The following LRRC8D variants were observed in gnomAD, a reference collection of about 807,000 sequenced individuals.
LRRC8D encodes volume-regulated anion channel subunit LRRC8D.
LRRC8D carries 20 observed loss-of-function variants against 55.8 expected under a neutral mutation model. That is an observed-to-expected ratio of 0.36 (90% CI 0.25 to 0.52). LRRC8D has a LOEUF of 0.52. Among genes scored for constraint, LRRC8D ranks in the 20% least tolerant of loss-of-function variants. The probability of loss-of-function intolerance (pLI) is 0.93; values close to 1 mark genes in which losing one functional copy is unlikely to be tolerated. For synonymous variants in LRRC8D, 352 were observed against 377.0 expected, an observed-to-expected ratio of 0.93 and a Z score of 0.77; for missense variants, 651 against 1,030.8, an observed-to-expected ratio of 0.63 and a Z score of 5.05.
chr1:89,842,242 A>T (rs1208710072), intron 1 of LRRC8D, among the ~76,000 whole-genome samples: 1 of 149,552 alleles, frequency 6.7e-6, no homozygotes, highest in Non-Finnish European at 1.5e-5. Flanking sequence ...AGAATTTGTG[A>T]TCATTGTAGG....
At chr1:89,826,918 T>G (rs551970008) in intron 1 of LRRC8D, among the ~76,000 whole-genome samples, 3 of 152,160 alleles carry the variant, frequency 2.0e-5, no homozygotes, top group Non-Finnish European at 4.4e-5. Flanking sequence ...TGGTTGGGTA[T>G]TAAGGGGAAA....
chr1:89,902,153 C>T (rs1428759573), intron 2 of LRRC8D, among the ~76,000 whole-genome samples: 1 of 152,266 alleles, frequency 6.6e-6, no homozygotes, highest in African/African-American at 2.4e-5. Context: ...TTCTCCACAA[C>T]AATTAAATGC....
chr1:89,913,642 AC>A (rs1343277525), intron 2 of LRRC8D, among the ~76,000 whole-genome samples: 2 of 152,158 alleles, frequency 1.3e-5, no homozygotes, highest in Non-Finnish European at 2.9e-5. Context: ...TTCTCTCTAC[AC>A]TTTTTTGTCT....
At chr1:89,888,542 G>A (rs1156551411) in intron 2 of LRRC8D, among the ~76,000 whole-genome samples, 1 of 152,208 alleles carries the variant, frequency 6.6e-6, no homozygotes, top group Admixed American at 6.5e-5. Context: ...TCACCTGAGA[G>A]AGCCTAAAAG....
intron 2 of LRRC8D, among the ~76,000 whole-genome samples, chr1:89,855,767 C>T (rs756014303): frequency 6.6e-5 from 10 of 152,282 alleles, no homozygotes; most frequent in Non-Finnish European, 1.3e-4. Flanking sequence ...ACCACTTAAA[C>T]TGAAAGTTAA....
At chr1:89,842,658 G>A (rs1263171900) in intron 1 of LRRC8D, among the ~76,000 whole-genome samples, 2 of 152,136 alleles carry the variant, frequency 1.3e-5, no homozygotes, top group Admixed American at 1.3e-4. Flanking sequence ...TGCATGTAAG[G>A]GCAGGCAGGT....
chr1:89,824,853 T>C (rs922395592), intron 1 of LRRC8D, among the ~76,000 whole-genome samples: 1 of 152,216 alleles, frequency 6.6e-6, no homozygotes, highest in Non-Finnish European at 1.5e-5. Flanking sequence ...AGCTGTTTGC[T>C]GAGACCTAAG....
intron 2 of LRRC8D, among the ~76,000 whole-genome samples, chr1:89,860,049 T>A (rs1661662001): frequency 6.6e-6 from 1 of 152,246 alleles, no homozygotes; most frequent in Non-Finnish European, 1.5e-5. Flanking sequence ...CAAGTATTAT[T>A]TCCACTTTAT....
chr1:89,920,341 C>T (rs4658345), intron 2 of LRRC8D, among the ~76,000 whole-genome samples: 5,885 of 152,022 alleles, frequency 0.039, 163 homozygotes, highest in East Asian at 0.14. Context: ...TTCTATAGTC[C>T]TTTTAAGTGT....
chr1:89,905,320 T>A (rs1290843929), intron 2 of LRRC8D, among the ~76,000 whole-genome samples: 2 of 152,232 alleles, frequency 1.3e-5, no homozygotes, highest in Admixed American at 1.3e-4. Context: ...CACACAGAAA[T>A]TGGATATCAT....
chr1:89,909,082 A>G (rs537228213), intron 2 of LRRC8D, among the ~76,000 whole-genome samples: 7 of 152,190 alleles, frequency 4.6e-5, no homozygotes, highest in African/African-American at 1.7e-4. Flanking sequence ...ATGCTGCCTG[A>G]GATGGCTCGC....
At chr1:89,922,780 C>T (rs1663458485) in intron 2 of LRRC8D, among the ~76,000 whole-genome samples, 1 of 152,202 alleles carries the variant, frequency 6.6e-6, no homozygotes, top group Non-Finnish European at 1.5e-5. Flanking sequence ...TCATATCTAC[C>T]TTCACTATCC....
chr1:89,893,774 C>G (rs564792778), intron 2 of LRRC8D, among the ~76,000 whole-genome samples: 25 of 152,214 alleles, frequency 1.6e-4, no homozygotes, highest in Non-Finnish European at 3.2e-4. Context: ...CAGACTTACT[C>G]TTTTTTCAGT....
At chr1:89,853,041 A>G (rs558881021) in intron 2 of LRRC8D, among the ~76,000 whole-genome samples, 4 of 152,342 alleles carry the variant, frequency 2.6e-5, no homozygotes, top group African/African-American at 9.6e-5. Flanking sequence ...GAAAGCAGGG[A>G]GCACTTTAGT....
At chr1:89,829,576 T>C (rs886314850) in intron 1 of LRRC8D, among the ~76,000 whole-genome samples, 2 of 152,248 alleles carry the variant, frequency 1.3e-5, no homozygotes, top group African/African-American at 4.8e-5. Flanking sequence ...ATTTATTTTA[T>C]AATACCTAGT....
rs528213755 is a variant in LRRC8D at position 89,883,432 on chromosome 1, G to A, written c.-3+39650G>A. Among the ~76,000 whole-genome samples, 9 of 152,284 alleles carry A rather than the reference G, an allele frequency of 5.9e-5. No individual in the cohort carries two copies. In the South Asian group the frequency reaches 1.2e-3, roughly 21 times the overall value. On this transcript the variant is annotated intron_variant, in intron 2 of 2. Coordinates refer to ENST00000337338, the MANE Select transcript of LRRC8D (RefSeq NM_001134479.2). ...TATCCAAGCATGACCAGAGGGTAAA[G>A]GGAAGGAACCCCTGGGTTTTCTGAG...
chr1:89,871,907 C>T (rs1662014751), intron 2 of LRRC8D, among the ~76,000 whole-genome samples: 1 of 152,180 alleles, frequency 6.6e-6, no homozygotes, highest in African/African-American at 2.4e-5. Context: ...TTGCTTACTC[C>T]TAAATACTAC....
chr1:89,838,739 A>G (rs548623592), intron 1 of LRRC8D, among the ~76,000 whole-genome samples: 1 of 152,234 alleles, frequency 6.6e-6, no homozygotes, highest in Admixed American at 6.5e-5. Context: ...TAATTGAAGA[A>G]TGAGAGAGGA....
intron 2 of LRRC8D, among the ~76,000 whole-genome samples, chr1:89,860,309 C>A (rs975637705): frequency 6.6e-6 from 1 of 152,114 alleles, no homozygotes; most frequent in Non-Finnish European, 1.5e-5. Context: ...ATCTTTTATG[C>A]GAAAAGTTAA....
Sources: gnomAD v4.1 joint callset for allele counts (sites outside exome capture counted in the v4.1 genomes callset) on GRCh38, gnomAD v4.1.1 for gene constraint, MANE v1.5 for transcripts, NCBI Gene and HGNC (gene_info 2026-07-23, HGNC 2026-07-21) for gene names.